The following TTC27 variants were observed in gnomAD, a reference collection of about 807,000 sequenced individuals.
TTC27 encodes the protein tetratricopeptide repeat protein 27.
TTC27 carries 79 observed loss-of-function variants against 115.9 expected under a neutral mutation model. The observed-to-expected ratio is 0.68, with a 90% CI of 0.57 to 0.82. The LOEUF is 0.82. Ranked by LOEUF, TTC27 falls within the 40% of genes least tolerant of loss-of-function variation. The pLI, the probability that TTC27 is intolerant of heterozygous loss-of-function variation, is 0.00. For synonymous variants in TTC27, 401 were observed against 356.0 expected (o/e 1.13, Z -1.42); for missense variants, 1,054 against 993.1 (o/e 1.06, Z -0.82).
intron 12 of TTC27, among the ~76,000 whole-genome samples, chr2:32,739,602 G>C (rs1668559068): frequency 6.6e-6 from 1 of 152,034 alleles, no homozygotes; most frequent in African/African-American, 2.4e-5. Flanking sequence ...CATTTACTTT[G>C]TCTTAAGTTT....
rs1387257807 is a variant in TTC27 at position 32,736,732 on chromosome 2, C to T, written c.1368C>T (p.Thr456=). 6.2e-7 allele frequency: 1 copy of T among 1,613,922 alleles called. No homozygotes were observed. The highest frequency in any genetic ancestry group is 2.2e-5 in the East Asian group (1 of 44,864). Residue 456 remains threonine, a synonymous_variant, in exon 12 of 20, where the codon ACC becomes ACT. Transcript: ENST00000317907. The part of the protein sequence containing the change: ...LASLLFELGC[T]SSALQIFEKL... Reference sequence around the variant, plus strand: ...GTTTGCTCTTTGAGTTGGGATGTACCAGTTCAGCCCTTCAGATATTTGAAA... The same window carrying T: ...GTTTGCTCTTTGAGTTGGGATGTACTAGTTCAGCCCTTCAGATATTTGAAA...
rs1360084676 is a variant in TTC27, at chr2:32,719,252, G to T, written c.1234-14576G>T. 2.6e-5 allele frequency among the ~76,000 whole-genome samples: 4 copies of T among 152,300 alleles called. No individual in the cohort carries two copies. The East Asian group carries it at 7.7e-4, about 29-fold the overall frequency. ...ACAATGTATGAGGTATCCTTAGATG[G>T]TGCACTCAGGGAGGCTGTAAAAGAT... On this transcript the variant is annotated intron_variant, in intron 10 of 19. Transcript: ENST00000317907.
chr2:32,727,074 G>A (rs1668135355), intron 10 of TTC27, among the ~76,000 whole-genome samples: 1 of 152,158 alleles, frequency 6.6e-6, no homozygotes, highest in Non-Finnish European at 1.5e-5. Flanking sequence ...TTCAAGATGA[G>A]ATTTGGGTGG....
intron 10 of TTC27, among the ~76,000 whole-genome samples, chr2:32,706,185 C>T (rs374572455): frequency 1.0e-4 from 14 of 134,664 alleles, no homozygotes; most frequent in Middle Eastern, 4.9e-3. Flanking sequence ...TGGGTTCAAA[C>T]GATTCTCCTG....
At chr2:32,643,585 G>A (rs1664737239) in intron 4 of TTC27, among the ~76,000 whole-genome samples, 1 of 151,958 alleles carries the variant, frequency 6.6e-6, no homozygotes, top group Non-Finnish European at 1.5e-5. Flanking sequence ...AGGATTACAG[G>A]CGTGAGCCAC....
At position 32,758,507 on chromosome 2, in the gene TTC27, T is replaced by G. The variant is rs1669322532; in HGVS notation, c.1668T>G (p.Ile556Met). 1 of 1,614,116 alleles carries G rather than the reference T, an allele frequency of 6.2e-7. No individual in the cohort carries two copies. ...AGTGCTTCGAACGCTCGGTTAAGAT[T>G]AATCCCATGCAGGTTAGACAACTCA... ...CVECFERSVK[I>M]NPMQLGVWFS... The change falls in exon 13 of 20, where the codon ATT (isoleucine) becomes ATG (methionine). Residue 556 changes from isoleucine (I) to methionine (M), a missense_variant. Physicochemically the swap from Ile to Met is conservative, Grantham distance 10. Coordinates refer to ENST00000317907, the MANE Select transcript of TTC27 (RefSeq NM_017735.5).
intron 16 of TTC27, among the ~76,000 whole-genome samples, chr2:32,804,410 T>G (rs1671061430): frequency 6.6e-6 from 1 of 152,200 alleles, no homozygotes; most frequent in Non-Finnish European, 1.5e-5. Context: ...TGCACTAAAG[T>G]GTTTTATTTA....
intron 16 of TTC27, among the ~76,000 whole-genome samples, chr2:32,789,092 G>A (rs1034238851): frequency 2.0e-5 from 3 of 152,084 alleles, no homozygotes; most frequent in Admixed American, 6.6e-5. Context: ...TTGTTTTAAG[G>A]AAATTAAAAA....
chr2:32,812,427 A>G (rs1671345495), intron 17 of TTC27, 77 bp from the exon 18 acceptor site: 2 of 1,074,508 alleles, frequency 1.9e-6, no homozygotes, highest in South Asian at 1.3e-5. Flanking sequence ...AATTAGTTCC[A>G]TATGACTTCC....
chr2:32,770,351 A>G (rs936714929), intron 13 of TTC27, among the ~76,000 whole-genome samples: 3 of 152,210 alleles, frequency 2.0e-5, no homozygotes, highest in Admixed American at 6.5e-5. Context: ...TTTACAGTTT[A>G]TGAGGGATGG....
At chr2:32,649,375 G>T (rs1157744673) in intron 4 of TTC27, among the ~76,000 whole-genome samples, 1 of 151,662 alleles carries the variant, frequency 6.6e-6, no homozygotes, top group Non-Finnish European at 1.5e-5. Flanking sequence ...AACCTGAGAT[G>T]ACATACATAA....
At chr2:32,744,245 A>G (rs1179996818) in intron 12 of TTC27, among the ~76,000 whole-genome samples, 3 of 152,122 alleles carry the variant, frequency 2.0e-5, no homozygotes, top group African/African-American at 7.2e-5. Flanking sequence ...TCTTGCATAG[A>G]TTCCTTTCTG....
intron 16 of TTC27, among the ~76,000 whole-genome samples, chr2:32,792,684 A>G (rs115742567): frequency 5.3e-5 from 8 of 152,220 alleles, no homozygotes; most frequent in Non-Finnish European, 1.2e-4. Flanking sequence ...CTTGGCCTGG[A>G]GCCCTCCTGG....
At chr2:32,689,847 T>C (rs565383611) in intron 9 of TTC27, among the ~76,000 whole-genome samples, 2 of 152,238 alleles carry the variant, frequency 1.3e-5, no homozygotes, top group African/African-American at 4.8e-5. Flanking sequence ...TGAAATAAAG[T>C]GAAGTATTAA....
At chr2:32,649,235 G>A (rs980961756) in intron 4 of TTC27, among the ~76,000 whole-genome samples, 5 of 152,102 alleles carry the variant, frequency 3.3e-5, no homozygotes, top group Non-Finnish European at 7.4e-5. Flanking sequence ...TCTCAGATTG[G>A]GGGAACATCT....
At chr2:32,660,869 C>T (rs982906312) in intron 5 of TTC27, among the ~76,000 whole-genome samples, 1 of 152,188 alleles carries the variant, frequency 6.6e-6, no homozygotes, top group Admixed American at 6.5e-5. Context: ...ATGGTATTGC[C>T]TAGGTTTTCT....
chr2:32,819,017 G>GT (rs1294961612), intron 19 of TTC27, among the ~76,000 whole-genome samples: 1 of 152,116 alleles, frequency 6.6e-6, no homozygotes, highest in Non-Finnish European at 1.5e-5. Flanking sequence ...GAGCAGCAGG[G>GT]TTTTTTCCTG....
intron 4 of TTC27, among the ~76,000 whole-genome samples, chr2:32,648,678 T>G (rs2151868646): frequency 6.6e-6 from 1 of 152,254 alleles, no homozygotes; most frequent in South Asian, 2.1e-4. Context: ...AAAAAGCTAC[T>G]ATATGCTCAG....
chr2:32,665,709 A>G (rs1329737944), intron 6 of TTC27, among the ~76,000 whole-genome samples: 1 of 152,116 alleles, frequency 6.6e-6, no homozygotes, highest in Non-Finnish European at 1.5e-5. Flanking sequence ...CCTGGCCAAC[A>G]TGGCAAAACC....
Sources: gnomAD v4.1 joint callset for allele counts (sites outside exome capture counted in the v4.1 genomes callset) on GRCh38, gnomAD v4.1.1 for gene constraint, MANE v1.5 for transcripts, NCBI Gene and HGNC (gene_info 2026-07-23, HGNC 2026-07-21) for gene names.